The following SLC8A1 variants were observed in gnomAD, a reference collection of about 807,000 sequenced individuals.
SLC8A1 encodes the protein sodium/calcium exchanger 1.
A neutral mutation model predicts 68.3 loss-of-function variants in SLC8A1; 18 were observed. The ratio of observed to expected loss-of-function variants is 0.26; its 90% CI spans 0.18 to 0.39. SLC8A1 has a LOEUF of 0.39. Among genes scored for constraint, SLC8A1 ranks in the 10% least tolerant of loss-of-function variants. The probability of loss-of-function intolerance (pLI) is 1.00; values close to 1 mark genes in which losing one functional copy is unlikely to be tolerated. For missense variants in SLC8A1, 985 were observed against 1,156.7 expected (o/e 0.85, Z 2.15); for synonymous variants, 475 against 415.5 (o/e 1.14, Z -1.74).
intron 2 of SLC8A1, among the ~76,000 whole-genome samples, chr2:40,418,311 A>T (rs2149731478): frequency 6.6e-6 from 1 of 152,296 alleles, no homozygotes; most frequent in South Asian, 2.1e-4. Flanking sequence ...TTACTAGACC[A>T]TGTGTAGGTC....
intron 2 of SLC8A1, among the ~76,000 whole-genome samples, chr2:40,226,879 C>G (rs1212373777): frequency 6.6e-6 from 1 of 152,078 alleles, no homozygotes; most frequent in African/African-American, 2.4e-5. Context: ...ATGTAATGGC[C>G]TGGAGCTATA....
intron 2 of SLC8A1, among the ~76,000 whole-genome samples, chr2:40,345,680 T>C (rs1467291856): frequency 6.6e-6 from 1 of 152,128 alleles, no homozygotes; most frequent in African/African-American, 2.4e-5. Flanking sequence ...AAGAATAAGT[T>C]CATGCCATTT....
At chr2:40,180,800 G>A (rs1212358891) in intron 2 of SLC8A1, among the ~76,000 whole-genome samples, 1 of 152,212 alleles carries the variant, frequency 6.6e-6, no homozygotes, top group African/African-American at 2.4e-5. Flanking sequence ...GGGGATGGTA[G>A]AAGTAGCCTT....
intron 2 of SLC8A1, among the ~76,000 whole-genome samples, chr2:40,225,050 A>G (rs1205867807): frequency 6.6e-6 from 1 of 152,112 alleles, no homozygotes; most frequent in East Asian, 1.9e-4. Flanking sequence ...ATTTAAGACA[A>G]CAGCTTCCCT....
At chr2:40,451,585 G>A (rs976673091) in intron 1 of SLC8A1, among the ~76,000 whole-genome samples, 1 of 152,118 alleles carries the variant, frequency 6.6e-6, no homozygotes, top group African/African-American at 2.4e-5. Context: ...GCGGTGCAGG[G>A]TGCAGCATCT....
chr2:40,258,508 G>A (rs1405809712), intron 2 of SLC8A1, among the ~76,000 whole-genome samples: 5 of 151,378 alleles, frequency 3.3e-5, no homozygotes, highest in Non-Finnish European at 7.4e-5. Context: ...TTCTGGACTT[G>A]GCTAAAGTGT....
At chr2:40,142,216 C>G (rs2041701059) in intron 6 of SLC8A1, among the ~76,000 whole-genome samples, 1 of 152,012 alleles carries the variant, frequency 6.6e-6, no homozygotes, top group Non-Finnish European at 1.5e-5. Context: ...TTCTCTTTTA[C>G]CCTACACTTT....
At chr2:40,272,902 T>A (rs575868110) in intron 2 of SLC8A1, among the ~76,000 whole-genome samples, 1 of 152,174 alleles carries the variant, frequency 6.6e-6, no homozygotes, top group Non-Finnish European at 1.5e-5. Context: ...TATGCAAAGT[T>A]AGTTTGGGCT....
chr2:40,213,999 A>C (rs2057048148), intron 2 of SLC8A1, among the ~76,000 whole-genome samples: 1 of 152,216 alleles, frequency 6.6e-6, no homozygotes, highest in Non-Finnish European at 1.5e-5. Context: ...ACAGATATTC[A>C]GAAATCCTCA....
chr2:40,116,861 A>G (rs2035543892), intron 7 of SLC8A1: 1 of 152,210 alleles, frequency 6.6e-6, no homozygotes, highest in Non-Finnish European at 1.5e-5. Flanking sequence ...AACAACAGTG[A>G]CTTAAACTTC....
chr2:40,467,538 T>A (rs1458198611), intron 1 of SLC8A1, among the ~76,000 whole-genome samples: 2 of 152,188 alleles, frequency 1.3e-5, no homozygotes, highest in African/African-American at 4.8e-5. Flanking sequence ...TCTCCTTTTA[T>A]GTTCCTTCTA....
intron 2 of SLC8A1, among the ~76,000 whole-genome samples, chr2:40,311,510 C>T (rs1444045311): frequency 6.6e-6 from 1 of 151,890 alleles, no homozygotes; most frequent in Admixed American, 6.6e-5. Flanking sequence ...AGTTTAGTAA[C>T]ATGTTGAGTG....
chr2:40,330,378 A>T (rs1428635125), intron 2 of SLC8A1, among the ~76,000 whole-genome samples: 2 of 152,216 alleles, frequency 1.3e-5, no homozygotes, highest in African/African-American at 2.4e-5. Flanking sequence ...CCTCTTTGAA[A>T]ACTATGTGTG....
At chr2:40,212,787 T>C (rs936629030) in intron 2 of SLC8A1, among the ~76,000 whole-genome samples, 1 of 152,248 alleles carries the variant, frequency 6.6e-6, no homozygotes, top group Non-Finnish European at 1.5e-5. Context: ...GGGCAGAGTA[T>C]TGCTTGAACT....
chr2:40,153,600 G>A (rs560547783), intron 6 of SLC8A1, among the ~76,000 whole-genome samples: 10 of 152,160 alleles, frequency 6.6e-5, no homozygotes, highest in African/African-American at 1.9e-4. Flanking sequence ...CCTTTTTCAA[G>A]CATGCCAGTG....
chr2:40,430,766 T>C (rs1157838039), intron 1 of SLC8A1, among the ~76,000 whole-genome samples: 1 of 152,142 alleles, frequency 6.6e-6, no homozygotes, highest in African/African-American at 2.4e-5. Flanking sequence ...ACGGTTTCAA[T>C]GCCAAAAGCA....
At chr2:40,365,754 A>G (rs2149490965) in intron 2 of SLC8A1, among the ~76,000 whole-genome samples, 1 of 152,200 alleles carries the variant, frequency 6.6e-6, no homozygotes, top group Non-Finnish European at 1.5e-5. Context: ...TAATCTAAGC[A>G]CTTTGGGAAA....
chr2:40,340,963 T>C (rs750262454), intron 2 of SLC8A1, among the ~76,000 whole-genome samples: 1 of 152,186 alleles, frequency 6.6e-6, no homozygotes, highest in Non-Finnish European at 1.5e-5. Context: ...AACTTTGAGC[T>C]TTTATTGATC....
intron 2 of SLC8A1, among the ~76,000 whole-genome samples, chr2:40,384,354 T>C (rs528092344): frequency 6.6e-6 from 1 of 152,162 alleles, no homozygotes; most frequent in Non-Finnish European, 1.5e-5. Flanking sequence ...TGTATGTTAT[T>C]GAGCACAGTC....
Sources: allele counts gnomAD v4.1 joint callset (sites outside exome capture counted in the v4.1 genomes callset), GRCh38; gene constraint gnomAD v4.1.1; transcripts MANE v1.5; gene names NCBI Gene and HGNC (gene_info 2026-07-23, HGNC 2026-07-21).